CDS2: variants seen among roughly 807,000 people sequenced by gnomAD.
The protein encoded by CDS2 is phosphatidate cytidylyltransferase 2.
CDS2 carries 47 observed loss-of-function variants against 59.0 expected under a neutral mutation model. That is an observed-to-expected ratio of 0.80 (90% CI 0.63 to 1.02). The LOEUF (loss-of-function observed/expected upper bound fraction) is 1.02. Ranked by LOEUF, CDS2 falls within the 50% of genes least tolerant of loss-of-function variation. CDS2 has a pLI of 0.00. For missense variants in CDS2, 356 were observed against 558.9 expected (o/e 0.64, Z 3.66); for synonymous variants, 207 against 206.4 (o/e 1.00, Z -0.02).
At chr20:5,183,402 C>G (rs1298006383) in intron 7 of CDS2, among the ~76,000 whole-genome samples, 2 of 152,060 alleles carry the variant, frequency 1.3e-5, no homozygotes, top group African/African-American at 2.4e-5. Context: ...AACCACTGTT[C>G]TAGACTAATA....
chr20:5,179,567 C>A (rs962841994), intron 5 of CDS2, among the ~76,000 whole-genome samples: 1 of 152,124 alleles, frequency 6.6e-6, no homozygotes, highest in Non-Finnish European at 1.5e-5. Context: ...GCAGTGGGAC[C>A]GAAACAAAAA....
At chr20:5,137,490 G>T (rs549668165) in intron 1 of CDS2, among the ~76,000 whole-genome samples, 198 of 150,412 alleles carry the variant, frequency 1.3e-3, no homozygotes, top group African/African-American at 4.6e-3. Context: ...TGATCTGCCC[G>T]CCTTGGCCTC....
intron 1 of CDS2, among the ~76,000 whole-genome samples, chr20:5,155,872 CTG>C (rs2090829869): frequency 6.6e-6 from 1 of 151,878 alleles, no homozygotes; most frequent in Non-Finnish European, 1.5e-5. Context: ...GGAGAAAAGA[CTG>C]AGAGTAAAGG....
chr20:5,133,470 T>C (rs1287761119), intron 1 of CDS2, among the ~76,000 whole-genome samples: 1 of 152,146 alleles, frequency 6.6e-6, no homozygotes, highest in Non-Finnish European at 1.5e-5. Context: ...GTTTAAGTTA[T>C]TAGCTCAAGA....
In CDS2 at chr20:5,184,587, ATTTC is replaced by A. The variant is rs1209105104; in HGVS notation, c.672-267_672-264del. On this transcript the variant is annotated intron_variant, in intron 7 of 12. Transcript: ENST00000460006. The surrounding 1 kb of genome is among the most constrained non-coding windows in gnomAD (Gnocchi z 4.3). The stretch of plus-strand genomic sequence containing the variant: ...TAAATTTCTCTCATTGTTTACGTAT[ATTTC>A]TTTATCATGAAAAAAGGACAGATGA... Among the ~76,000 whole-genome samples, 1 of 152,252 alleles carries A rather than the reference ATTTC, an allele frequency of 6.6e-6. No individual in the cohort carries two copies. The highest frequency in any genetic ancestry group is 3.4e-3 in the Middle Eastern group (1 of 294).
chr20:5,190,339 G>GTAT lies in CDS2; in HGVS notation c.*106_*107insATT. The GTAT allele has an allele frequency of 1.2e-6, 1 of 869,242 alleles. No individual in the cohort carries two copies. Among genetic ancestry groups the GTAT allele is most frequent in the Non-Finnish European group, 1.6e-6 (1 of 617,340 alleles). The allele number at this position is 869,242 out of a possible 1,614,324, so 53.8% of individuals were successfully genotyped here. A position where few individuals can be genotyped will look rare whatever the true frequency, so the allele number is the denominator to read the frequency against. ...GACAATGACGAGGCTTCAACTCACT[G>GTAT]TCTTTTTTTTTTTTTTTTGGAGGGT... On this transcript the variant is annotated 3_prime_UTR_variant, in exon 13 of 13. Coordinates refer to ENST00000460006, the MANE Select transcript of CDS2 (RefSeq NM_003818.4).
rs1199097115 is a variant in CDS2 at position 5,196,696 on chromosome 20, A to G, written c.*6462A>G. The G allele has an allele frequency of 6.6e-6, 1 of 152,224 alleles. No homozygotes were observed. Among genetic ancestry groups the G allele is most frequent in the Non-Finnish European group, 1.5e-5 (1 of 68,052 alleles). 9.4% of individuals were successfully genotyped at this position (152,224 alleles called of 1,614,324 possible). ...TTTCTAGCAGGCAGAATGTGCATAC[A>G]TGTTTTCATGAGTGTCCTTTGGGTG... On this transcript the variant is annotated 3_prime_UTR_variant, in exon 13 of 13. Transcript: ENST00000460006.
chr20:5,164,657 A>G (rs2090900610), intron 1 of CDS2, among the ~76,000 whole-genome samples: 1 of 151,340 alleles, frequency 6.6e-6, no homozygotes, highest in South Asian at 2.1e-4. Flanking sequence ...TTCCTTCCCC[A>G]GTAGCGCTGA....
chr20:5,158,267 T>G (rs1379328944), intron 1 of CDS2, among the ~76,000 whole-genome samples: 1 of 150,772 alleles, frequency 6.6e-6, no homozygotes, highest in African/African-American at 2.4e-5. Flanking sequence ...CCTCTCGAGA[T>G]CAAGTGATTC....
In CDS2 at chr20:5,190,172, A is replaced by G; in HGVS notation, c.1276A>G (p.Asn426Asp). The change falls in exon 13 of 13, where the codon AAC becomes GAC. Residue 426 changes from asparagine to aspartate, a missense_variant. Transcript: ENST00000460006. ...GCCAGATCAGCAGCTCCACATCTTC[A>G]ACACGCTGCGGTCTCATCTGATCGA... ...LRPDQQLHIF[N>D]TLRSHLIDKG... The G allele has an allele frequency of 1.2e-6, 2 of 1,613,920 alleles. No homozygotes were observed. The highest frequency in any genetic ancestry group is 1.7e-6 in the Non-Finnish European group (2 of 1,179,916).
chr20:5,185,602 TA>T (rs1197567265), intron 8 of CDS2, among the ~76,000 whole-genome samples, 155 bp from the exon 9 acceptor site: 3 of 152,130 alleles, frequency 2.0e-5, no homozygotes, highest in Non-Finnish European at 2.9e-5. Context: ...GGATATAAGA[TA>T]GGGAACAAGG....
At position 5,190,285 on chromosome 20, in the gene CDS2, T is replaced by C; in HGVS notation, c.*51T>C. On this transcript the variant is annotated 3_prime_UTR_variant, in exon 13 of 13. Coordinates refer to ENST00000460006, the MANE Select transcript of CDS2 (RefSeq NM_003818.4). Reference sequence around the variant, plus strand: ...GAACAGAACTGAGCAGGGGCAGGTCTCCAAGGCAAGCCCAGCTGGTGTGAC... The same window carrying C: ...GAACAGAACTGAGCAGGGGCAGGTCCCCAAGGCAAGCCCAGCTGGTGTGAC... 1 of 1,552,464 alleles carries C rather than the reference T, an allele frequency of 6.4e-7. No individual in the cohort carries two copies. The highest frequency in any genetic ancestry group is 1.2e-5 in the South Asian group (1 of 84,618).
chr20:5,132,469 T>C (rs2122945129), intron 1 of CDS2, among the ~76,000 whole-genome samples: 1 of 152,322 alleles, frequency 6.6e-6, no homozygotes, highest in East Asian at 1.9e-4. Context: ...GAAGGACCAC[T>C]GAACACTGTT....
chr20:5,164,904 G>A (rs2090902390), intron 1 of CDS2, among the ~76,000 whole-genome samples: 1 of 152,154 alleles, frequency 6.6e-6, no homozygotes, highest in African/African-American at 2.4e-5. Flanking sequence ...GGCTTGTGAT[G>A]GAGGTTGGTA....
At chr20:5,179,537 C>G (rs143070997) in intron 5 of CDS2, among the ~76,000 whole-genome samples, 55 of 152,366 alleles carry the variant, frequency 3.6e-4, no homozygotes, top group African/African-American at 1.3e-3. Flanking sequence ...TGTCCTGACT[C>G]TCCTGTTGGC....
At chr20:5,137,999 A>G (rs779284984) in intron 1 of CDS2, among the ~76,000 whole-genome samples, 4 of 151,692 alleles carry the variant, frequency 2.6e-5, no homozygotes, top group South Asian at 2.1e-4. Flanking sequence ...GGGTTTCGCT[A>G]TGTTAGCCAG....
At position 5,189,095 on chromosome 20, in the gene CDS2, TTCACA is replaced by T; in HGVS notation, c.1011_1015del (p.Ile337MetfsTer27). On this transcript the variant is annotated frameshift_variant, in exon 11 of 13. Transcript: ENST00000460006. LOFTEE classifies it high-confidence loss of function. ...ACGGTCCGGATGTACCCCTTCCAGA[TTCACA>T]GCATCGCTCTCTCCACCTTTGCCTC... is the stretch of plus-strand genomic sequence containing the variant. 3 of 1,614,212 alleles carry T rather than the reference TTCACA, an allele frequency of 1.9e-6. No homozygotes were observed. The highest frequency in any genetic ancestry group is 2.5e-6 in the Non-Finnish European group (3 of 1,180,034).
chr20:5,184,928 C>T lies in CDS2; in HGVS notation c.742C>T (p.Arg248Trp), dbSNP rs1328493982. The change falls in exon 8 of 13, where the codon CGG becomes TGG. Residue 248 changes from arginine to tryptophan, a missense_variant. This residue lies in a region of CDS2 where 87 missense variants were observed against 193.3 expected (regional missense o/e 0.45). Coordinates refer to ENST00000460006, the MANE Select transcript of CDS2 (RefSeq NM_003818.4). This position sits in a 1 kb window ranked among gnomAD's most constrained non-coding sequence, Gnocchi z 4.3. ...MAYMFGFFFGRTPLIKLSPKK... is the reference protein window; with the variant it reads ...MAYMFGFFFGWTPLIKLSPKK... ...CTATATGTTTGGCTTTTTCTTTGGT[C>T]GGACCCCACTCATCAAGGTAAATGG... 9.3e-6 allele frequency: 15 copies of T among 1,612,382 alleles called. No individual in the cohort carries two copies. Among genetic ancestry groups the T allele is most frequent in the Admixed American group, 1.7e-5 (1 of 60,002 alleles).
Position 5,189,848 on chromosome 20 carries a change from C to G in CDS2, c.1205+10C>G. The G allele has an allele frequency of 1.3e-6, 2 of 1,594,242 alleles. No individual in the cohort carries two copies. The highest frequency in any genetic ancestry group is 8.6e-7 in the Non-Finnish European group (1 of 1,164,272). ...TCGCCAGTTTTATCAGGTATAGTACCTTTCCATCTGAACCAAGTTGGTGGA... is the reference window on the plus strand; with the variant it reads ...TCGCCAGTTTTATCAGGTATAGTACGTTTCCATCTGAACCAAGTTGGTGGA... On this transcript the variant is annotated intron_variant, in intron 12 of 12. Transcript: ENST00000460006.
Sources: allele counts gnomAD v4.1 joint callset (sites outside exome capture counted in the v4.1 genomes callset), GRCh38; gene constraint gnomAD v4.1.1; regional missense constraint gnomAD v4.1.1; non-coding constraint Gnocchi (gnomAD v3.1); transcripts MANE v1.5; gene names NCBI Gene and HGNC (gene_info 2026-07-23, HGNC 2026-07-21).